Variants in TENM4 observed in about 807,000 individuals in gnomAD.
TENM4 encodes the protein teneurin-4.
A neutral mutation model predicts 243.3 loss-of-function variants in TENM4; 82 were observed. That is an observed-to-expected ratio of 0.34 (90% confidence interval 0.28 to 0.40). TENM4 has a LOEUF of 0.40. TENM4 is among the 10% of genes least tolerant of loss of function. TENM4 has a pLI of 1.00. For synonymous variants in TENM4, 1,412 were observed against 1,456.3 expected (o/e 0.97, Z 0.69); for missense variants, 3,138 against 3,673.3 (o/e 0.85, Z 3.77).
intron 2 of TENM4, among the ~76,000 whole-genome samples, chr11:79,224,810 G>T (rs919105807): frequency 6.6e-6 from 1 of 152,096 alleles, no homozygotes; most frequent in Non-Finnish European, 1.5e-5. Flanking sequence ...AATTAGTCCG[G>T]CATGGTGGCG....
chr11:79,377,561 C>G (rs1005693991), intron 1 of TENM4, among the ~76,000 whole-genome samples: 1 of 152,180 alleles, frequency 6.6e-6, no homozygotes, highest in African/African-American at 2.4e-5. Context: ...TTAAGAGGGA[C>G]ACATACATGC....
chr11:79,147,797 G>A (rs575814249), intron 4 of TENM4, among the ~76,000 whole-genome samples: 21 of 152,190 alleles, frequency 1.4e-4, no homozygotes, highest in African/African-American at 4.8e-4. Flanking sequence ...GATGATCAGA[G>A]ATGAGAAATG....
intron 18 of TENM4, among the ~76,000 whole-genome samples, chr11:78,769,582 A>G (rs1378054157): frequency 6.6e-6 from 1 of 152,218 alleles, no homozygotes; most frequent in African/African-American, 2.4e-5. Context: ...CTGGATATTT[A>G]TGGAGCACAA....
chr11:79,066,552 A>T (rs1160487610), intron 5 of TENM4, among the ~76,000 whole-genome samples: 2 of 152,222 alleles, frequency 1.3e-5, no homozygotes. Flanking sequence ...ACACACATGC[A>T]GACACACACA....
In TENM4 at chr11:79,277,613, G is replaced by A. The variant is rs140826536; in HGVS notation, c.-265+19875C>T. On this transcript the variant is annotated intron_variant, in intron 2 of 33. Transcript: ENST00000278550. Reference sequence around the variant, plus strand: ...TGGTGTGAGTGTGCTACTTCTGCACGGTCCATAGTTAGGGGCAGGGAAGCA... The same window carrying A: ...TGGTGTGAGTGTGCTACTTCTGCACAGTCCATAGTTAGGGGCAGGGAAGCA... Among the ~76,000 whole-genome samples the A allele has an allele frequency of 3.1e-4, 47 of 152,260 alleles. 1 individual carries two copies. Among genetic ancestry groups the A allele is most frequent in the African/African-American group, 1.1e-3 (46 of 41,544 alleles).
At position 79,111,476 on chromosome 11, in the gene TENM4, T is replaced by C. The variant is rs575075885; in HGVS notation, c.-66+37234A>G. Among the ~76,000 whole-genome samples, 249 of 151,834 alleles carry C rather than the reference T, an allele frequency of 1.6e-3. 1 individual carries two copies. The highest frequency in any genetic ancestry group is 3.4e-3 in the Middle Eastern group (1 of 294). On this transcript the variant is annotated intron_variant, in intron 4 of 33. Coordinates refer to ENST00000278550, the MANE Select transcript of TENM4 (RefSeq NM_001098816.3). ...AGGAGAATGGTGTGAACCCGGGAGG[T>C]GGAGCTTGCAGTGAGCCGAGATGGC...
intron 30 of TENM4, among the ~76,000 whole-genome samples, chr11:78,675,904 C>A (rs1858455976): frequency 6.6e-6 from 1 of 152,160 alleles, no homozygotes; most frequent in Admixed American, 6.5e-5. Flanking sequence ...TGTCCAAGCT[C>A]ACTCAGGGAA....
chr11:79,226,002 C>A (rs566887290), intron 2 of TENM4, among the ~76,000 whole-genome samples: 2 of 152,282 alleles, frequency 1.3e-5, no homozygotes, highest in East Asian at 3.9e-4. Flanking sequence ...CCAAACATGT[C>A]CCCAGAAGAC....
At chr11:79,124,891 ATATG>A (rs1470842284) in intron 4 of TENM4, among the ~76,000 whole-genome samples, 8,666 of 57,644 alleles carry the variant, frequency 0.15, 357 homozygotes, top group Middle Eastern at 0.36. Context: ...ATGTATATGT[ATATG>A]TGTGTGTGTG....
chr11:79,032,064 G>A (rs1859255459), intron 6 of TENM4, among the ~76,000 whole-genome samples: 1 of 152,130 alleles, frequency 6.6e-6, no homozygotes, highest in Non-Finnish European at 1.5e-5. Context: ...TCACTTAGAT[G>A]TATTTTAGTC....
At position 78,729,398 on chromosome 11, in the gene TENM4, C is replaced by A; in HGVS notation, c.3384G>T (p.Val1128=). The change falls in exon 22 of 34, where the codon GTG becomes GTT. Residue 1128 remains valine, a synonymous_variant. Transcript: ENST00000278550. ...WDKTDVYNQK[V]FGLSEAFVSV... ...TACCAAAGGCTTCTGAAAGCCCAAACACCTTCTGGTTGTAGACGTCTGTCT... is the reference window on the plus strand; with the variant it reads ...TACCAAAGGCTTCTGAAAGCCCAAAAACCTTCTGGTTGTAGACGTCTGTCT... 1 of 1,580,938 alleles carries A rather than the reference C, an allele frequency of 6.3e-7. No individual in the cohort carries two copies. Among genetic ancestry groups the A allele is most frequent in the Admixed American group, 1.8e-5 (1 of 54,794 alleles).
chr11:78,896,130 T>C (rs1396092102), intron 7 of TENM4, among the ~76,000 whole-genome samples: 1 of 152,190 alleles, frequency 6.6e-6, no homozygotes, highest in Non-Finnish European at 1.5e-5. Flanking sequence ...ACCGCCCTGA[T>C]CAACGGTTCA....
At chr11:78,712,973 A>C (rs1859436472) in intron 25 of TENM4, among the ~76,000 whole-genome samples, 1 of 152,186 alleles carries the variant, frequency 6.6e-6, no homozygotes, top group South Asian at 2.1e-4. Flanking sequence ...AAACCCCTTC[A>C]AGATGAAATG....
chr11:79,308,212 G>A (rs1241878081), intron 1 of TENM4, among the ~76,000 whole-genome samples: 1 of 152,192 alleles, frequency 6.6e-6, no homozygotes, highest in African/African-American at 2.4e-5. Context: ...TTTGTCCCAT[G>A]GACCTTTTTG....
At position 78,669,815 on chromosome 11, in the gene TENM4, A is replaced by G. The variant is rs370622946; in HGVS notation, c.6530T>C (p.Val2177Ala). The G allele has an allele frequency of 6.8e-6, 11 of 1,613,750 alleles. No homozygotes were observed. In the African/African-American group the frequency reaches 1.5e-4, roughly 22 times the overall value. ...TVQYDNMGRV[V>A]KKELKVGPYA... ...GGGTCCTACCTTCAGCTCCTTCTTC[A>G]CTACTCGCCCCATGTTATCATACTG... Residue 2177 changes from valine to alanine, a missense_variant, in exon 32 of 34, where the codon GTG becomes GCG. Physicochemically the swap from Val to Ala is moderately conservative, Grantham distance 64 (BLOSUM62 0). Transcript: ENST00000278550. The surrounding 1 kb of genome is among the most constrained non-coding windows in gnomAD (Gnocchi z 6.4).
intron 4 of TENM4, among the ~76,000 whole-genome samples, chr11:79,095,461 A>G (rs961312956): frequency 1.3e-5 from 2 of 152,198 alleles, no homozygotes; most frequent in African/African-American, 4.8e-5. Flanking sequence ...TACTCTTCCA[A>G]GCTCTTCCAT....
intron 3 of TENM4, among the ~76,000 whole-genome samples, chr11:79,150,248 A>G (rs1862477871): frequency 6.6e-6 from 1 of 152,166 alleles, no homozygotes; most frequent in Admixed American, 6.5e-5. Flanking sequence ...TTTTAAAAAT[A>G]CAGCACAGAA....
intron 1 of TENM4, among the ~76,000 whole-genome samples, chr11:79,313,185 T>C (rs746412009): frequency 1.9e-4 from 29 of 152,208 alleles, no homozygotes; most frequent in Non-Finnish European, 4.1e-4. Flanking sequence ...GATTACAAAA[T>C]GGAAGGGAGT....
chr11:79,068,367 A>T (rs1377570485), intron 5 of TENM4: 3 of 152,368 alleles, frequency 2.0e-5, no homozygotes, highest in Non-Finnish European at 2.9e-5. Context: ...TTGATGCCAG[A>T]GTTGGAGCCT....
Sources: gnomAD v4.1 joint callset for allele counts (sites outside exome capture counted in the v4.1 genomes callset) on GRCh38, gnomAD v4.1.1 for gene constraint, Gnocchi (gnomAD v3.1) non-coding constraint, MANE v1.5 for transcripts, NCBI Gene and HGNC (gene_info 2026-07-23, HGNC 2026-07-21) for gene names.